GYS1: variants seen among roughly 807,000 people sequenced by gnomAD.
The protein encoded by GYS1 is glycogen synthase 1.
Under a neutral mutation model 89.1 loss-of-function variants are expected in GYS1, and 60 were observed. That is an observed-to-expected ratio of 0.67 (90% CI 0.55 to 0.84). GYS1 has a LOEUF of 0.84. GYS1 is among the 40% of genes least tolerant of loss of function. The pLI is 0.00. For missense variants in GYS1, 888 were observed against 1,003.1 expected (o/e 0.89, Z 1.55); for synonymous variants, 366 against 401.7 (o/e 0.91, Z 1.06).
intron 2 of GYS1, among the ~76,000 whole-genome samples, chr19:48,987,628 T>G (rs2038862526): frequency 1.3e-5 from 2 of 151,950 alleles, no homozygotes; most frequent in Admixed American, 6.6e-5. Flanking sequence ...CCGTGCCCCC[T>G]GCTTACTTTC....
intron 8 of GYS1, among the ~76,000 whole-genome samples, chr19:48,979,708 G>A (rs1460309590): frequency 2.1e-5 from 3 of 142,826 alleles, no homozygotes; most frequent in African/African-American, 7.9e-5. Flanking sequence ...GTGCATTGGC[G>A]CGATCTTGGC....
At position 48,991,928 on chromosome 19, in the gene GYS1, C is replaced by A. The variant is rs2038937923; in HGVS notation, c.119-445G>T. ...GCTCCAAAACCCAGTGAGGGAGACC[C>A]CCTCATGGCCAATCCAGCTTCTCAC... On this transcript the variant is annotated intron_variant, in intron 1 of 15. Transcript: ENST00000323798. The surrounding 1 kb of genome is among the most constrained non-coding windows in gnomAD (Gnocchi z 4.7). 6.6e-6 allele frequency among the ~76,000 whole-genome samples: 1 copy of A among 151,998 alleles called. No individual in the cohort carries two copies.
At chr19:48,985,289 G>A (rs2038824146) in intron 5 of GYS1, among the ~76,000 whole-genome samples, 172 bp downstream of exon 5, 3 of 152,182 alleles carry the variant, frequency 2.0e-5, no homozygotes, top group Admixed American at 1.3e-4. Flanking sequence ...CTCCTGCCTT[G>A]GCCTCTCAAA....
intron 8 of GYS1, among the ~76,000 whole-genome samples, chr19:48,980,475 G>A (rs1308432426): frequency 2.0e-5 from 3 of 152,060 alleles, no homozygotes; most frequent in Non-Finnish European, 4.4e-5. Flanking sequence ...TCAACGTGGT[G>A]AAATCCCATC....
intron 6 of GYS1, 123 bp downstream of exon 6, chr19:48,982,597 T>C (rs1481904880): frequency 3.4e-6 from 3 of 874,976 alleles, no homozygotes; most frequent in Non-Finnish European, 5.7e-6. Context: ...GGAGGCCGAA[T>C]ACCCAGGTGC....
intron 7 of GYS1, 43 bp downstream of exon 7, chr19:48,982,212 T>C: frequency 1.2e-6 from 2 of 1,607,652 alleles, no homozygotes; most frequent in Non-Finnish European, 8.5e-7. Flanking sequence ...AGTTATAAAC[T>C]GCTTTGCTTG....
intron 2 of GYS1, among the ~76,000 whole-genome samples, chr19:48,988,149 C>G (rs2038870461): frequency 6.6e-6 from 1 of 152,176 alleles, no homozygotes; most frequent in Non-Finnish European, 1.5e-5. Context: ...TCGCTGCCTC[C>G]TTTCTCTGCT....
At chr19:48,990,005 G>GGGGC (rs1555800141) in intron 2 of GYS1, among the ~76,000 whole-genome samples, 5 of 134,848 alleles carry the variant, frequency 3.7e-5, no homozygotes, top group Admixed American at 7.7e-5. Flanking sequence ...TGCTGGGGGG[G>GGGGC]GGGGGGGGCT....
chr19:48,985,688 T>C, intron 4 of GYS1, 83 bp from the exon 5 acceptor site: 4 of 1,558,908 alleles, frequency 2.6e-6, no homozygotes, highest in Admixed American at 3.4e-5. Context: ...CCAAGAGAAA[T>C]TGGTGCTGGG....
At position 48,979,336 on chromosome 19, in the gene GYS1, C is replaced by CT. The variant is rs777178030; in HGVS notation, c.1170-1180dup. 3.9e-4 allele frequency among the ~76,000 whole-genome samples: 36 copies of CT among 92,714 alleles called. 3 individuals are homozygous for CT. The highest frequency in any genetic ancestry group is 1.1e-3 in the South Asian group (3 of 2,700). 60.8% of individuals were successfully genotyped at this position (92,714 alleles called of 152,430 possible). ...TTTGTCTCTTTTTCTTTTTTCTTTT[C>CT]TTTTTTTTTTTTTTTTTTTTTTTTT... is the stretch of plus-strand genomic sequence containing the variant. On this transcript the variant is annotated intron_variant, in intron 8 of 15. Coordinates refer to ENST00000323798, the MANE Select transcript of GYS1 (RefSeq NM_002103.5).
intron 2 of GYS1, among the ~76,000 whole-genome samples, chr19:48,990,297 C>A (rs1201293026): frequency 6.6e-6 from 1 of 152,036 alleles, no homozygotes; most frequent in Non-Finnish European, 1.5e-5. Context: ...CACCCTGGGG[C>A]CCTGGAACTC....
chr19:48,971,888 GTCTCACTTTA>G (rs1486732653), intron 12 of GYS1, among the ~76,000 whole-genome samples: 16 of 149,382 alleles, frequency 1.1e-4, no homozygotes, highest in Non-Finnish European at 2.1e-4. Context: ...TCGAGACAAG[GTCTCACTTTA>G]TCACCCAACC....
At position 48,978,382 on chromosome 19, in the gene GYS1, C is replaced by A. The variant is rs890937932; in HGVS notation, c.1170-225G>T. 5.6e-6 allele frequency: 3 copies of A among 536,712 alleles called. No homozygotes were observed. The South Asian group carries it at 5.7e-5, about 10-fold the overall frequency. The allele number at this position is 536,712 out of a possible 1,614,324, so 33.2% of individuals were successfully genotyped here. On this transcript the variant is annotated intron_variant, in intron 8 of 15. Transcript: ENST00000323798. ...CTGGGATTACAGGCATGAGCCACCG[C>A]GCCCGGCTAATTTTCTATTTTTAGT... is the stretch of plus-strand genomic sequence containing the variant.
intron 2 of GYS1, among the ~76,000 whole-genome samples, chr19:48,988,506 A>G (rs2038875296): frequency 6.6e-6 from 1 of 152,078 alleles, no homozygotes; most frequent in African/African-American, 2.4e-5. Flanking sequence ...TTTTGTGGAG[A>G]TGGGGTCTCA....
intron 3 of GYS1, among the ~76,000 whole-genome samples, 166 bp downstream of exon 3, chr19:48,987,028 A>G (rs1343131476): frequency 1.3e-5 from 2 of 152,232 alleles, no homozygotes; most frequent in African/African-American, 4.8e-5. Flanking sequence ...CATCGAGAGT[A>G]GAGCCTGGGC....
chr19:48,974,587 G>A (rs755940259), intron 11 of GYS1, 33 bp downstream of exon 11: 29 of 1,454,124 alleles, frequency 2.0e-5, no homozygotes, highest in East Asian at 4.5e-5. Flanking sequence ...TCCCTCTGCC[G>A]TGCCCAACCC....
At chr19:48,986,559 G>A (rs1026518223) in intron 3 of GYS1, among the ~76,000 whole-genome samples, 5 of 147,774 alleles carry the variant, frequency 3.4e-5, no homozygotes, top group East Asian at 3.9e-4. Context: ...CTGGAGTGCC[G>A]TGATGCAATC....
At chr19:48,990,653 G>T (rs1274698248) in intron 2 of GYS1, among the ~76,000 whole-genome samples, 1 of 152,160 alleles carries the variant, frequency 6.6e-6, no homozygotes, top group East Asian at 1.9e-4. Flanking sequence ...CCTCCTCCCA[G>T]CACCGCTAGA....
chr19:48,971,139 T>G (rs2038559500), intron 12 of GYS1, 116 bp from the exon 13 acceptor site: 1 of 767,334 alleles, frequency 1.3e-6, no homozygotes, highest in African/African-American at 1.7e-5. Context: ...CCAGGCGCTG[T>G]GCGGAGCGTC....
Sources: allele counts gnomAD v4.1 joint callset (sites outside exome capture counted in the v4.1 genomes callset), GRCh38; gene constraint gnomAD v4.1.1; non-coding constraint Gnocchi (gnomAD v3.1); transcripts MANE v1.5; gene names NCBI Gene and HGNC (gene_info 2026-07-23, HGNC 2026-07-21).